Variants in ABCA4 observed in about 807,000 individuals in gnomAD.
ABCA4 encodes ATP binding cassette subfamily A member 4, also known as retinal-specific phospholipid-transporting ATPase ABCA4.
In ABCA4, 196 loss-of-function variants were observed where a neutral mutation model predicts 263.7. That is an observed-to-expected ratio of 0.74 (90% CI 0.66 to 0.84). ABCA4 has a LOEUF of 0.84. Among genes scored for constraint, ABCA4 ranks in the 40% least tolerant of loss-of-function variants. The pLI, the probability that ABCA4 is intolerant of heterozygous loss-of-function variation, is 0.00. For missense variants in ABCA4, 2,792 were observed against 2,855.1 expected (o/e 0.98, Z 0.50); for synonymous variants, 1,133 against 1,094.2 (o/e 1.04, Z -0.70).
chr1:94,035,176 T>C (rs769679266), intron 26 of ABCA4, among the ~76,000 whole-genome samples: 7 of 152,222 alleles, frequency 4.6e-5, no homozygotes, highest in Admixed American at 1.3e-4. Context: ...AGAGGGCCTA[T>C]TTATCAAGAA....
At chr1:93,999,935 T>C (rs144135729) in intron 47 of ABCA4, among the ~76,000 whole-genome samples, 78 of 152,368 alleles carry the variant, frequency 5.1e-4, no homozygotes, top group African/African-American at 1.8e-3. Flanking sequence ...CAAGTTGTAG[T>C]TGCTCAATAA....
chr1:94,015,845 A>G lies in ABCA4; in HGVS notation c.5206T>C (p.Ser1736Pro), dbSNP rs61750568. 1.2e-6 allele frequency: 2 copies of G among 1,613,316 alleles called. No homozygotes were observed. Among genetic ancestry groups the G allele is most frequent in the African/African-American group, 1.3e-5 (1 of 74,916 alleles). The stretch of plus-strand genomic sequence containing the variant: ...CCCACCACCAGCCCAGCACTCACGG[A>G]ATAATTCATCTCGGAAAGAGAAGAG... ...TNFLWDIMNY[S>P]VSAGLVVGIF... Residue 1736 changes from serine (S) to proline (P), a missense_variant, in exon 37 of 50, where the codon TCC (serine) becomes CCC (proline). Physicochemically the swap from Ser to Pro is moderately conservative, Grantham distance 74 (BLOSUM62 -1). Transcript: ENST00000370225.
intron 34 of ABCA4, 64 bp from the exon 35 acceptor site, chr1:94,021,473 A>G: frequency 1.2e-6 from 2 of 1,607,198 alleles, no homozygotes; most frequent in Non-Finnish European, 1.7e-6. Flanking sequence ...AAATCAGTGA[A>G]GGAAAGGAAA....
At chr1:94,097,438 A>G (rs911247691) in intron 6 of ABCA4, among the ~76,000 whole-genome samples, 1 of 152,230 alleles carries the variant, frequency 6.6e-6, no homozygotes, top group Non-Finnish European at 1.5e-5. Flanking sequence ...CATGAAACAG[A>G]CAAAACACAG....
chr1:94,014,406 G>A (rs561288527), intron 38 of ABCA4, 137 bp downstream of exon 38: 246 of 952,478 alleles, frequency 2.6e-4, no homozygotes, highest in South Asian at 1.6e-4. Context: ...AGGCAGGGTC[G>A]GGGGTAGGGA....
chr1:94,078,556 T>TTCCCCC, intron 10 of ABCA4, 34 bp downstream of exon 10: 1 of 561,688 alleles, frequency 1.8e-6, no homozygotes, highest in Non-Finnish European at 3.3e-6. Flanking sequence ...CGCTTCCTCC[T>TTCCCCC]CCCCTCCCCT....
rs753921901 is a variant in ABCA4 at position 94,080,583 on chromosome 1, A to G, written c.994T>C (p.Ser332Pro). ...LLCGYPEGGG[S>P]RVLSFNWYED... ...TACCAGTTGAAGGAGAGCACCCGAG[A>G]GCCACCTCCCTCGGGGTAGCCACAC... Residue 332 changes from serine to proline, a missense_variant, in exon 8 of 50, where the codon TCT (serine) becomes CCT (proline). Transcript: ENST00000370225. 1 of 1,614,156 alleles carries G rather than the reference A, an allele frequency of 6.2e-7. No homozygotes were observed. The highest frequency in any genetic ancestry group is 8.5e-7 in the Non-Finnish European group (1 of 1,180,028).
At chr1:94,097,368 C>G in intron 6 of ABCA4, among the ~76,000 whole-genome samples, 1 of 152,246 alleles carries the variant, frequency 6.6e-6, no homozygotes, top group South Asian at 2.1e-4. Context: ...TTTTTAAAAG[C>G]CTTCAGCTTG....
intron 1 of ABCA4, among the ~76,000 whole-genome samples, chr1:94,116,968 C>CTCTTTCTTTCTTTCTTTCTTTCTT (rs57665252): frequency 9.3e-4 from 93 of 100,050 alleles, no homozygotes; most frequent in East Asian, 1.6e-3. Context: ...TTCTTTCTTT[C>CTCTTTCTTTCTTTCTTTCTTTCTT]TCTTTCTTTC....
intron 29 of ABCA4, 145 bp from the exon 30 acceptor site, chr1:94,029,776 C>T (rs941283605): frequency 1.2e-6 from 1 of 807,266 alleles, no homozygotes; most frequent in Non-Finnish European, 2.0e-6. Flanking sequence ...GGTTTCTGCT[C>T]AAGCAATATC....
chr1:94,076,144 T>C (rs1661531297), intron 11 of ABCA4, among the ~76,000 whole-genome samples: 1 of 152,180 alleles, frequency 6.6e-6, no homozygotes, highest in Non-Finnish European at 1.5e-5. Context: ...TTCACAGTAA[T>C]CCTGCTCATA....
At chr1:94,101,062 C>A (rs1662273832) in intron 5 of ABCA4, among the ~76,000 whole-genome samples, 1 of 152,234 alleles carries the variant, frequency 6.6e-6, no homozygotes, top group Non-Finnish European at 1.5e-5. Context: ...CTCATCAGAG[C>A]CAGCAACATG....
chr1:94,046,472 AAAAAG>A (rs1294161789), intron 19 of ABCA4, among the ~76,000 whole-genome samples: 2 of 148,728 alleles, frequency 1.3e-5, no homozygotes, highest in Admixed American at 6.7e-5. Context: ...AAAAAAAAAA[AAAAAG>A]AAAAGAAAAG....
chr1:93,997,932 G>T lies in ABCA4; in HGVS notation c.6658C>A (p.Gln2220Lys), dbSNP rs61753046. Residue 2220 changes from glutamine (Q) to lysine (K), a missense_variant, in exon 48 of 50, where the codon CAG (glutamine) becomes AAG (lysine). Transcript: ENST00000370225. Reference protein sequence around the residue: ...VSSSSLARIFQLLLSHKDSLL... With the variant: ...VSSSSLARIFKLLLSHKDSLL... ...CTGTCCTTGTGGGAGAGGAGGAGCT[G>T]GAAGATCCTCGCCAGGGAGGAGGAG... 6.2e-7 allele frequency: 1 copy of T among 1,614,082 alleles called. No homozygotes were observed. Among genetic ancestry groups the T allele is most frequent in the Non-Finnish European group, 8.5e-7 (1 of 1,180,004 alleles).
At chr1:94,046,469 A>G (rs1259693161) in intron 19 of ABCA4, among the ~76,000 whole-genome samples, 1 of 148,240 alleles carries the variant, frequency 6.7e-6, no homozygotes, top group Admixed American at 6.7e-5. Context: ...AAAAAAAAAA[A>G]AAAAAAAGAA....
intron 14 of ABCA4, among the ~76,000 whole-genome samples, chr1:94,058,004 A>G (rs1263066220): frequency 1.3e-5 from 2 of 152,228 alleles, no homozygotes; most frequent in Non-Finnish European, 2.9e-5. Flanking sequence ...AAAGAGACCA[A>G]TGAGCTGTAT....
rs1801359 is a variant in ABCA4 at position 94,001,891 on chromosome 1, G to A, written c.6249C>T (p.Ile2083=). Residue 2083 remains isoleucine (I), a synonymous_variant, in exon 45 of 50, where the codon ATC becomes ATT. Coordinates refer to ENST00000370225, the MANE Select transcript of ABCA4 (RefSeq NM_000350.3). The part of the protein sequence containing the change: ...GGNKRKLSTA[I]ALIGCPPLVL... ...CCAGCGGTGGGCAGCCAATGAGTGC[G>A]ATGGCTGTGGAGAGTTTCCGCTTGT... is the stretch of plus-strand genomic sequence containing the variant. 117,003 of 1,614,070 alleles carry A rather than the reference G, an allele frequency of 0.072. 6,526 individuals carry two copies. Among genetic ancestry groups the A allele is most frequent in the African/African-American group, 0.3 (22,433 of 74,968 alleles).
chr1:94,042,921 A>G, intron 21 of ABCA4, 23 bp from the exon 22 acceptor site: 1 of 1,614,106 alleles, frequency 6.2e-7, no homozygotes, highest in East Asian at 2.2e-5. Context: ...GAAGGACGGG[A>G]GAGTTAAGGG....
chr1:94,097,446 C>CAGTTCCTCA (rs1662152941), intron 6 of ABCA4, among the ~76,000 whole-genome samples: 3 of 152,164 alleles, frequency 2.0e-5, no homozygotes, highest in African/African-American at 7.2e-5. Context: ...AGACAAAACA[C>CAGTTCCTCA]AGTTCCTCAA....
Sources: gnomAD v4.1 joint callset for allele counts (sites outside exome capture counted in the v4.1 genomes callset) on GRCh38, gnomAD v4.1.1 for gene constraint, MANE v1.5 for transcripts, NCBI Gene and HGNC (gene_info 2026-07-23, HGNC 2026-07-21) for gene names.